HSF5: variants seen among roughly 807,000 people sequenced by gnomAD.
HSF5 encodes the protein heat shock factor protein 5.
Under a neutral mutation model 50.8 loss-of-function variants are expected in HSF5, and 5 were observed. That is an observed-to-expected ratio of 0.10 (90% CI 0.05 to 0.21). The LOEUF is 0.21. HSF5 is among the 10% of genes least tolerant of loss of function. The pLI is 1.00. For synonymous variants in HSF5, 307 were observed against 307.4 expected (o/e 1.00, Z 0.02); for missense variants, 564 against 762.6 (o/e 0.74, Z 3.07).
intron 5 of HSF5, among the ~76,000 whole-genome samples, chr17:58,432,202 T>C (rs1974373680): frequency 1.3e-5 from 2 of 148,840 alleles, no homozygotes; most frequent in Non-Finnish European, 1.5e-5. Context: ...CAACAAGGAG[T>C]GCCACAGGTA....
intron 5 of HSF5, among the ~76,000 whole-genome samples, chr17:58,445,169 A>G (rs950115890): frequency 2.6e-5 from 4 of 152,226 alleles, no homozygotes; most frequent in African/African-American, 9.6e-5. Context: ...GGGATTATAA[A>G]ATAGTATAGC....
intron 5 of HSF5, among the ~76,000 whole-genome samples, chr17:58,448,986 T>G (rs1255552708): frequency 6.6e-6 from 1 of 152,170 alleles, no homozygotes; most frequent in Admixed American, 6.5e-5. Flanking sequence ...TGAAGGGGGA[T>G]GGAGTTAGTA....
chr17:58,434,826 G>A (rs938341515), intron 5 of HSF5, among the ~76,000 whole-genome samples: 1 of 152,140 alleles, frequency 6.6e-6, no homozygotes, highest in African/African-American at 2.4e-5. Flanking sequence ...ACACTCCAGC[G>A]TGGATGACAG....
At chr17:58,481,811 G>C (rs1477985369) in intron 1 of HSF5, among the ~76,000 whole-genome samples, 1 of 152,174 alleles carries the variant, frequency 6.6e-6, no homozygotes, top group Non-Finnish European at 1.5e-5. Context: ...ATCAGCCTCA[G>C]CAACATGGTG....
chr17:58,472,501 C>T (rs1001099609), intron 2 of HSF5, among the ~76,000 whole-genome samples: 1 of 152,082 alleles, frequency 6.6e-6, no homozygotes, highest in Non-Finnish European at 1.5e-5. Flanking sequence ...TAAAAATAAA[C>T]ACAGCTTTTA....
chr17:58,462,814 C>G lies in HSF5; in HGVS notation c.1510G>C (p.Val504Leu). ...HNPSPSSVVFVQEGPPFSTHQ... is the reference protein window; with the variant it reads ...HNPSPSSVVFLQEGPPFSTHQ... ...GTGCTGAATGGTGGCCCTTCCTGCA[C>G]AAATACTACTGAAGATGGAGATGGA... Residue 504 changes from valine (V) to leucine (L), a missense_variant, in exon 4 of 6, where the codon GTG (valine) becomes CTG (leucine). Physicochemically the swap from Val to Leu is conservative, Grantham distance 32. Around this residue, in one of 5 missense-constraint regions of HSF5, gnomAD observed 441 missense variants for 533.6 expected, o/e 0.83. Transcript: ENST00000323777. The G allele has an allele frequency of 6.2e-7, 1 of 1,611,606 alleles. No individual in the cohort carries two copies. Among genetic ancestry groups the G allele is most frequent in the Non-Finnish European group, 8.5e-7 (1 of 1,178,688 alleles).
intron 2 of HSF5, among the ~76,000 whole-genome samples, chr17:58,467,321 A>G (rs1021556526): frequency 3.7e-4 from 56 of 152,230 alleles, no homozygotes; most frequent in African/African-American, 1.3e-3. Flanking sequence ...AAATTCCAAA[A>G]TAAGTATTTC....
At position 58,482,709 on chromosome 17, in the gene HSF5, C is replaced by CAAAAAAAAAAAAAAAAAAAAAAAAAAA. The variant is rs34783781; in HGVS notation, c.551-2469_551-2443dup. 3.0e-4 allele frequency among the ~76,000 whole-genome samples: 4 copies of CAAAAAAAAAAAAAAAAAAAAAAAAAAA among 13,462 alleles called. 1 individual carries two copies. Among genetic ancestry groups the CAAAAAAAAAAAAAAAAAAAAAAAAAAA allele is most frequent in the African/African-American group, 6.1e-4 (2 of 3,262 alleles). The allele number at this position is 13,462 out of a possible 152,430, so 8.8% of individuals were successfully genotyped here. A position where few individuals can be genotyped will look rare whatever the true frequency, so the allele number is the denominator to read the frequency against. On this transcript the variant is annotated intron_variant, in intron 1 of 5. Transcript: ENST00000323777. ...CGGGCAACACAGCAAGACTCCATCT[C>CAAAAAAAAAAAAAAAAAAAAAAAAAAA]AAAAAAAAAAAAAAAAAAAAAAAAA...
At chr17:58,466,856 G>C in intron 3 of HSF5, 29 bp downstream of exon 3, 2 of 1,365,644 alleles carry the variant, frequency 1.5e-6, no homozygotes, top group Middle Eastern at 1.8e-4. Context: ...ATAAAGCGCG[G>C]AGCATGGCCA....
intron 5 of HSF5, among the ~76,000 whole-genome samples, chr17:58,449,267 A>G (rs1014856653): frequency 6.6e-6 from 1 of 152,256 alleles, no homozygotes; most frequent in Non-Finnish European, 1.5e-5. Context: ...AATGGCAGTA[A>G]TAAGTCTTAC....
chr17:58,440,764 G>T (rs565410046), intron 5 of HSF5, among the ~76,000 whole-genome samples: 14 of 152,248 alleles, frequency 9.2e-5, no homozygotes, highest in Non-Finnish European at 1.6e-4. Context: ...TCAAAAATGT[G>T]ACCAGAGGTC....
rs1428549573 is a variant in HSF5 at position 58,487,993 on chromosome 17, C to T, written c.282G>A (p.Leu94=). 1 of 1,610,668 alleles carries T rather than the reference C, an allele frequency of 6.2e-7. No homozygotes were observed. The highest frequency in any genetic ancestry group is 8.5e-7 in the Non-Finnish European group (1 of 1,179,218). ...LNLYGFRKVV[L]GGPGGGKPAG... The stretch of plus-strand genomic sequence containing the variant: ...CCGGTTTGCCGCCCCCCGGCCCGCC[C>T]AGCACCACCTTGCGGAAGCCGTAGA... The change falls in exon 1 of 6, where the codon CTG becomes CTA. Residue 94 remains leucine, a synonymous_variant. Transcript: ENST00000323777.
At chr17:58,475,141 C>A (rs1158519977) in intron 2 of HSF5, among the ~76,000 whole-genome samples, 2 of 152,184 alleles carry the variant, frequency 1.3e-5, no homozygotes, top group East Asian at 3.9e-4. Context: ...ATTTTAATAT[C>A]ATTAAACTTA....
At chr17:58,473,887 A>G (rs1371860703) in intron 2 of HSF5, among the ~76,000 whole-genome samples, 1 of 151,810 alleles carries the variant, frequency 6.6e-6, no homozygotes, top group Non-Finnish European at 1.5e-5. Context: ...TTTTTGAGAC[A>G]AGGTCTTGCT....
chr17:58,444,852 G>A (rs1974538852), intron 5 of HSF5, among the ~76,000 whole-genome samples: 1 of 152,120 alleles, frequency 6.6e-6, no homozygotes, highest in Non-Finnish European at 1.5e-5. Flanking sequence ...TTAATATTCA[G>A]AATATGTTTT....
intron 5 of HSF5, among the ~76,000 whole-genome samples, chr17:58,454,142 C>T (rs1046912178): frequency 6.6e-6 from 1 of 152,044 alleles, no homozygotes; most frequent in Non-Finnish European, 1.5e-5. Flanking sequence ...TGTTTATCTG[C>T]TGACCTTCCC....
intron 5 of HSF5, among the ~76,000 whole-genome samples, chr17:58,450,607 G>T (rs913766332): frequency 1.3e-5 from 2 of 150,794 alleles, no homozygotes; most frequent in Non-Finnish European, 3.0e-5. Context: ...TATAAAATTA[G>T]CTGGGTGTGG....
At chr17:58,450,338 CAAAAAAAAA>C (rs758990551) in intron 5 of HSF5, among the ~76,000 whole-genome samples, 3 of 51,968 alleles carry the variant, frequency 5.8e-5, no homozygotes, top group African/African-American at 1.8e-4. Context: ...GACTTTGTCT[CAAAAAAAAA>C]AAAAAAAAAA....
intron 4 of HSF5, among the ~76,000 whole-genome samples, chr17:58,461,398 A>G (rs1974791845): frequency 2.0e-5 from 3 of 152,156 alleles, no homozygotes; most frequent in Admixed American, 2.0e-4. Flanking sequence ...TAGAGCTAAA[A>G]AAGGCTGCAA....
Sources: allele counts gnomAD v4.1 joint callset (sites outside exome capture counted in the v4.1 genomes callset), GRCh38; gene constraint gnomAD v4.1.1; regional missense constraint gnomAD v4.1.1; transcripts MANE v1.5; gene names NCBI Gene and HGNC (gene_info 2026-07-23, HGNC 2026-07-21).